Variants in ZNF385D observed in about 807,000 individuals in gnomAD.
ZNF385D encodes zinc finger protein 385D.
A neutral mutation model predicts 35.8 loss-of-function variants in ZNF385D; 15 were observed. That is an observed-to-expected ratio of 0.42 (90% CI 0.28 to 0.64). The LOEUF (loss-of-function observed/expected upper bound fraction) is 0.64, where lower values mean the gene tolerates loss of function less well. Ranked by LOEUF, ZNF385D falls within the 30% of genes least tolerant of loss-of-function variation. ZNF385D has a pLI of 0.23. For missense variants in ZNF385D, 474 were observed against 494.6 expected, an observed-to-expected ratio of 0.96 and a Z score of 0.39; for synonymous variants, 212 against 186.8, an observed-to-expected ratio of 1.13 and a Z score of -1.10.
intron 3 of ZNF385D, among the ~76,000 whole-genome samples, chr3:22,007,527 T>C (rs1446712603): frequency 6.6e-6 from 1 of 152,232 alleles, no homozygotes; most frequent in Non-Finnish European, 1.5e-5. Flanking sequence ...CATTGCTGGC[T>C]TCATGGGAAA....
intron 3 of ZNF385D, among the ~76,000 whole-genome samples, chr3:21,813,046 G>C (rs981749382): frequency 6.6e-6 from 1 of 152,208 alleles, no homozygotes; most frequent in Non-Finnish European, 1.5e-5. Flanking sequence ...AATATTTGCT[G>C]TTCTGCAGCC....
chr3:21,591,773 G>A (rs2063983316), intron 2 of ZNF385D, among the ~76,000 whole-genome samples: 1 of 152,070 alleles, frequency 6.6e-6, no homozygotes, highest in Admixed American at 6.6e-5. Flanking sequence ...TCTATATCAT[G>A]TTTTTAGCCT....
chr3:22,248,017 T>G (rs185056531), intron 2 of ZNF385D, among the ~76,000 whole-genome samples: 1 of 152,154 alleles, frequency 6.6e-6, no homozygotes, highest in East Asian at 1.9e-4. Context: ...AAAATACATA[T>G]AATAGAGATT....
rs1313326958 is a variant in ZNF385D at position 22,185,574 on chromosome 3, TCTC to T, written c.107-16542_107-16540del. On this transcript the variant is annotated intron_variant, in intron 2 of 5. Transcript: ENST00000494108. Reference sequence around the variant, plus strand: ...CCTCCGCCTCCCGGGTTCAAGCAATTCTCCTACCTCAGCCCCCTGAGTAGCTGG... The same window carrying T: ...CCTCCGCCTCCCGGGTTCAAGCAATTCTACCTCAGCCCCCTGAGTAGCTGG... 2.6e-5 allele frequency among the ~76,000 whole-genome samples: 4 copies of T among 152,142 alleles called. No individual in the cohort carries two copies. The East Asian group carries it at 7.7e-4, about 29-fold the overall frequency.
chr3:22,096,461 T>C (rs980306955), intron 3 of ZNF385D, among the ~76,000 whole-genome samples: 9 of 152,040 alleles, frequency 5.9e-5, no homozygotes, highest in Admixed American at 3.9e-4. Context: ...ATAGTCAAAA[T>C]TTGATTTAAA....
chr3:22,199,297 G>C (rs544519311), intron 2 of ZNF385D, among the ~76,000 whole-genome samples: 2 of 152,160 alleles, frequency 1.3e-5, no homozygotes, highest in African/African-American at 4.8e-5. Context: ...AGAAACATGT[G>C]GAAGGAAATG....
intron 3 of ZNF385D, among the ~76,000 whole-genome samples, chr3:21,795,451 C>T (rs961433782): frequency 3.2e-4 from 48 of 152,230 alleles, no homozygotes; most frequent in Non-Finnish European, 6.9e-4. Context: ...GAATGGTAGC[C>T]GTGTGCAAAA....
chr3:21,543,589 T>G (rs547371452), intron 3 of ZNF385D, among the ~76,000 whole-genome samples: 1 of 152,108 alleles, frequency 6.6e-6, no homozygotes, highest in African/African-American at 2.4e-5. Context: ...TTCTACTCCA[T>G]CCGACAGTAA....
chr3:21,810,644 G>T (rs1430382559), intron 3 of ZNF385D, among the ~76,000 whole-genome samples: 2 of 151,946 alleles, frequency 1.3e-5, no homozygotes, highest in Non-Finnish European at 2.9e-5. Context: ...CAGATGGAGA[G>T]TACTGAGATT....
intron 3 of ZNF385D, among the ~76,000 whole-genome samples, chr3:22,140,790 T>C (rs1253216777): frequency 6.6e-6 from 1 of 152,234 alleles, no homozygotes; most frequent in Non-Finnish European, 1.5e-5. Context: ...TCTCAAGGTA[T>C]GGCCATTTCT....
At chr3:21,760,452 T>C (rs2070553246) in intron 3 of ZNF385D, among the ~76,000 whole-genome samples, 1 of 152,204 alleles carries the variant, frequency 6.6e-6, no homozygotes, top group Admixed American at 6.5e-5. Context: ...TAAACAAAGA[T>C]TCACCTTTGT....
chr3:21,470,139 C>A (rs1703792931), intron 4 of ZNF385D, among the ~76,000 whole-genome samples: 1 of 152,156 alleles, frequency 6.6e-6, no homozygotes, highest in African/African-American at 2.4e-5. Context: ...GGTAAGAGAA[C>A]CCATTATGTA....
intron 3 of ZNF385D, among the ~76,000 whole-genome samples, chr3:21,809,782 TA>T (rs994947008): frequency 6.6e-6 from 1 of 150,936 alleles, no homozygotes; most frequent in African/African-American, 2.4e-5. Flanking sequence ...AATTGAATAC[TA>T]AAAAATGTGC....
At chr3:21,902,417 G>A (rs1559738217) in intron 3 of ZNF385D, among the ~76,000 whole-genome samples, 6 of 152,184 alleles carry the variant, frequency 3.9e-5, no homozygotes. Flanking sequence ...GAGGGATGAT[G>A]TGACTTTGCC....
intron 3 of ZNF385D, chr3:21,978,260 T>G (rs1358231035): frequency 1.3e-5 from 2 of 152,216 alleles, no homozygotes; most frequent in Admixed American, 6.5e-5. Context: ...TTGTTGCAAA[T>G]GTACATTCAC....
At chr3:21,735,710 G>C (rs139571517) in intron 1 of ZNF385D, among the ~76,000 whole-genome samples, 2 of 152,090 alleles carry the variant, frequency 1.3e-5, no homozygotes, top group South Asian at 2.1e-4. Flanking sequence ...TTGTTGCTTC[G>C]ACATCTCTGG....
upstream of ZNF385D, among the ~76,000 whole-genome samples, chr3:21,751,780 A>G (rs2070100573): frequency 6.6e-6 from 1 of 152,170 alleles, no homozygotes; most frequent in South Asian, 2.1e-4. Flanking sequence ...CTGAGCTATT[A>G]TGTTGATAGA....
At chr3:21,970,123 T>C (rs981908249) in intron 3 of ZNF385D, among the ~76,000 whole-genome samples, 3 of 152,128 alleles carry the variant, frequency 2.0e-5, no homozygotes, top group African/African-American at 4.8e-5. Flanking sequence ...AGCTGAACTA[T>C]GAAGGTAAGA....
At chr3:21,945,139 TATATGC>T (rs902893541) in intron 3 of ZNF385D, among the ~76,000 whole-genome samples, 8 of 141,190 alleles carry the variant, frequency 5.7e-5, no homozygotes, top group Non-Finnish European at 1.1e-4. Flanking sequence ...TATATATATG[TATATGC>T]ATATATATAT....
Sources: allele counts gnomAD v4.1 joint callset (sites outside exome capture counted in the v4.1 genomes callset), GRCh38; gene constraint gnomAD v4.1.1; transcripts MANE v1.5; gene names NCBI Gene and HGNC (gene_info 2026-07-23, HGNC 2026-07-21).